The following BNC2 variants were observed in gnomAD, a reference collection of about 807,000 sequenced individuals.
The protein encoded by BNC2 is basonuclin zinc finger protein 2.
In BNC2, 20 loss-of-function variants were observed where a neutral mutation model predicts 76.3. The observed-to-expected ratio is 0.26, with a 90% CI of 0.18 to 0.38. The LOEUF is 0.38. Ranked by LOEUF, BNC2 falls within the 10% of genes least tolerant of loss-of-function variation. BNC2 has a pLI of 1.00. For missense variants in BNC2, 1,382 were observed against 1,399.8 expected, an observed-to-expected ratio of 0.99 and a Z score of 0.20; for synonymous variants, 582 against 514.8, an observed-to-expected ratio of 1.13 and a Z score of -1.77.
intron 1 of BNC2, among the ~76,000 whole-genome samples, chr9:16,794,836 C>A (rs914176306): frequency 2.0e-5 from 3 of 152,034 alleles, no homozygotes; most frequent in Non-Finnish European, 4.4e-5. Flanking sequence ...TTTTCATTTA[C>A]ACAATTTTCC....
chr9:16,702,515 A>C (rs1488693661), intron 3 of BNC2, among the ~76,000 whole-genome samples: 3 of 148,606 alleles, frequency 2.0e-5, no homozygotes, highest in Admixed American at 6.9e-5. Context: ...TAGACTAATA[A>C]ATAACGCCAG....
intron 5 of BNC2, among the ~76,000 whole-genome samples, chr9:16,465,757 T>A (rs1366330122): frequency 6.6e-6 from 1 of 152,108 alleles, no homozygotes; most frequent in Non-Finnish European, 1.5e-5. Context: ...ATTAGCTATC[T>A]AAAAAAAGTT....
chr9:16,728,279 T>C (rs757554709), intron 2 of BNC2: 7 of 500,418 alleles, frequency 1.4e-5, no homozygotes, highest in African/African-American at 7.7e-5. Flanking sequence ...AGCCACTGCA[T>C]GTCATTGGAT....
At chr9:16,578,104 A>C (rs542552477) in intron 4 of BNC2, among the ~76,000 whole-genome samples, 11 of 152,174 alleles carry the variant, frequency 7.2e-5, no homozygotes, top group Non-Finnish European at 1.6e-4. Context: ...CAGAAGAAAA[A>C]GTTACTGATC....
intron 1 of BNC2, among the ~76,000 whole-genome samples, chr9:16,795,857 G>T (rs1363171332): frequency 6.6e-6 from 1 of 152,178 alleles, no homozygotes; most frequent in Non-Finnish European, 1.5e-5. Context: ...CTTGCAGAAT[G>T]CCAGGGAAAG....
At chr9:16,818,530 G>A (rs913496326) in intron 1 of BNC2, among the ~76,000 whole-genome samples, 4 of 152,276 alleles carry the variant, frequency 2.6e-5, no homozygotes, top group African/African-American at 9.6e-5. Flanking sequence ...ATGACATTTC[G>A]ATCACAGGCA....
At chr9:16,613,544 G>A (rs941810738) in intron 3 of BNC2, among the ~76,000 whole-genome samples, 3 of 152,184 alleles carry the variant, frequency 2.0e-5, no homozygotes, top group African/African-American at 7.2e-5. Flanking sequence ...GCCAACACCT[G>A]TACCTTTTCT....
At chr9:16,502,827 C>T (rs1438745755) in intron 5 of BNC2, among the ~76,000 whole-genome samples, 2 of 152,136 alleles carry the variant, frequency 1.3e-5, no homozygotes, top group Non-Finnish European at 2.9e-5. Flanking sequence ...CAGGCTTTTA[C>T]TTGATGAAGA....
At chr9:16,729,465 A>C (rs908814766) in intron 2 of BNC2, among the ~76,000 whole-genome samples, 4 of 152,232 alleles carry the variant, frequency 2.6e-5, no homozygotes, top group African/African-American at 9.6e-5. Flanking sequence ...CAATGAGAAA[A>C]GATGAGAAAA....
chr9:16,539,047 G>A (rs1490548032), intron 5 of BNC2, among the ~76,000 whole-genome samples: 1 of 151,886 alleles, frequency 6.6e-6, no homozygotes, highest in African/African-American at 2.4e-5. Context: ...ATACCATGGT[G>A]TGTGTGTGTT....
chr9:16,840,369 T>C (rs1294115093), intron 1 of BNC2, among the ~76,000 whole-genome samples: 5 of 152,232 alleles, frequency 3.3e-5, no homozygotes, highest in Admixed American at 3.3e-4. Context: ...GAGAACTTAC[T>C]GCCATTTCAT....
intron 3 of BNC2, among the ~76,000 whole-genome samples, chr9:16,721,916 A>C (rs1437867690): frequency 2.0e-5 from 3 of 146,772 alleles, no homozygotes; most frequent in African/African-American, 5.0e-5. Flanking sequence ...TCCTTTTGAT[A>C]TATGTGCTAA....
chr9:16,423,542 T>C (rs1820748693), intron 6 of BNC2, among the ~76,000 whole-genome samples: 1 of 152,220 alleles, frequency 6.6e-6, no homozygotes, highest in South Asian at 2.1e-4. Flanking sequence ...GCACGTAAAG[T>C]AGAATACTTT....
In BNC2 at chr9:16,809,515, C is replaced by T. The variant is rs568938953; in HGVS notation, c.3+61131G>A. Among the ~76,000 whole-genome samples, 4 of 152,260 alleles carry T rather than the reference C, an allele frequency of 2.6e-5. No individual in the cohort carries two copies. In the South Asian group the frequency reaches 6.2e-4, roughly 24 times the overall value. ...TGTGATACTTTTATTTCCACACCAG[C>T]TTTCAATAGGTCAAACGAGGGTGTA... On this transcript the variant is annotated intron_variant, in intron 1 of 6. Transcript: ENST00000380672.
rs144511624 is a variant in BNC2 at position 16,526,467 on chromosome 9, C to CTTTTTT, written c.669+26057_669+26062dup. On this transcript the variant is annotated intron_variant, in intron 5 of 6. Transcript: ENST00000380672. ...GATTACTTCCCAACATAGTTTAATG[C>CTTTTTT]TTTTTTTTTTTTTTTTTTTTTTTTT... Among the ~76,000 whole-genome samples the CTTTTTT allele has an allele frequency of 3.1e-4, 15 of 48,818 alleles. 3 individuals are homozygous for CTTTTTT. Among genetic ancestry groups the CTTTTTT allele is most frequent in the African/African-American group, 1.2e-3 (14 of 11,666 alleles). The allele number at this position is 48,818 out of a possible 152,430, so 32.0% of individuals were successfully genotyped here.
intron 5 of BNC2, among the ~76,000 whole-genome samples, chr9:16,471,206 T>C (rs189442876): frequency 1.4e-4 from 22 of 152,308 alleles, no homozygotes; most frequent in Non-Finnish European, 1.5e-5. Flanking sequence ...CCCCTCTGTT[T>C]TGGCCAATTT....
At chr9:16,473,268 C>G (rs1821862122) in intron 5 of BNC2, 1 of 152,158 alleles carries the variant, frequency 6.6e-6, no homozygotes, top group South Asian at 2.1e-4. Context: ...AACCGACCAT[C>G]CTTCAAATTT....
At chr9:16,526,229 C>A (rs567221463) in intron 5 of BNC2, among the ~76,000 whole-genome samples, 2 of 151,836 alleles carry the variant, frequency 1.3e-5, no homozygotes, top group Non-Finnish European at 2.9e-5. Context: ...GTGGCATATG[C>A]GTACATCTGT....
At chr9:16,730,517 C>G (rs985136222) in intron 2 of BNC2, among the ~76,000 whole-genome samples, 7 of 152,188 alleles carry the variant, frequency 4.6e-5, no homozygotes, top group Non-Finnish European at 7.3e-5. Context: ...TATTAAGACA[C>G]CAACCCCAAG....
Sources: gnomAD v4.1 joint callset for allele counts (sites outside exome capture counted in the v4.1 genomes callset) on GRCh38, gnomAD v4.1.1 for gene constraint, MANE v1.5 for transcripts, NCBI Gene and HGNC (gene_info 2026-07-23, HGNC 2026-07-21) for gene names.